BTBD9: variants seen among roughly 807,000 people sequenced by gnomAD.
BTBD9 encodes the protein BTB/POZ domain-containing protein 9.
BTBD9 carries 49 observed loss-of-function variants against 64.3 expected under a neutral mutation model. The observed-to-expected ratio is 0.76, with a 90% CI of 0.61 to 0.97. The LOEUF is 0.97. BTBD9 is among the 50% of genes least tolerant of loss of function. The pLI is 0.00. For synonymous variants in BTBD9, 260 were observed against 274.7 expected (o/e 0.95, Z 0.53); for missense variants, 598 against 762.1 (o/e 0.78, Z 2.53).
chr6:38,271,081 A>G (rs1765182389), intron 8 of BTBD9, among the ~76,000 whole-genome samples: 1 of 152,244 alleles, frequency 6.6e-6, no homozygotes, highest in Admixed American at 6.5e-5. Context: ...CATTATAAAG[A>G]GGCATTATAC....
At chr6:38,531,660 A>T (rs1240312391) in intron 6 of BTBD9, among the ~76,000 whole-genome samples, 2 of 152,254 alleles carry the variant, frequency 1.3e-5, no homozygotes, top group Admixed American at 6.5e-5. Flanking sequence ...GTATAAGAAG[A>T]TATAAACAGA....
intron 6 of BTBD9, among the ~76,000 whole-genome samples, chr6:38,544,684 T>C (rs2127441170): frequency 6.6e-6 from 1 of 151,918 alleles, no homozygotes; most frequent in Non-Finnish European, 1.5e-5. Context: ...CCCAGCACTT[T>C]GGGAGGCCAA....
intron 8 of BTBD9, among the ~76,000 whole-genome samples, chr6:38,285,389 T>C (rs1372847606): frequency 6.6e-6 from 1 of 152,014 alleles, no homozygotes; most frequent in Non-Finnish European, 1.5e-5. Context: ...AATGGACAAA[T>C]GGATGGTGCC....
intron 6 of BTBD9, among the ~76,000 whole-genome samples, chr6:38,422,762 G>C (rs1342293452): frequency 6.6e-6 from 1 of 152,084 alleles, no homozygotes; most frequent in African/African-American, 2.4e-5. Context: ...CTAGGCACTG[G>C]TATATTTTGA....
chr6:38,298,016 T>A (rs1762226486), intron 7 of BTBD9, among the ~76,000 whole-genome samples: 1 of 151,748 alleles, frequency 6.6e-6, no homozygotes, highest in Admixed American at 6.6e-5. Flanking sequence ...AATTTTTTTA[T>A]TTTATATATT....
intron 6 of BTBD9, among the ~76,000 whole-genome samples, chr6:38,351,267 C>T (rs1764494841): frequency 1.3e-5 from 2 of 152,204 alleles, no homozygotes; most frequent in South Asian, 4.1e-4. Flanking sequence ...CAGGGCTAAG[C>T]AGAGGCTACT....
chr6:38,627,472 A>T (rs1778210313), intron 1 of BTBD9, among the ~76,000 whole-genome samples: 2 of 152,154 alleles, frequency 1.3e-5, no homozygotes, highest in Non-Finnish European at 2.9e-5. Flanking sequence ...TTCTGAATAG[A>T]TATGCAAGAA....
chr6:38,258,792 A>G (rs1426384144), intron 8 of BTBD9, among the ~76,000 whole-genome samples: 1 of 152,242 alleles, frequency 6.6e-6, no homozygotes, highest in Non-Finnish European at 1.5e-5. Flanking sequence ...CGGGAGGCTG[A>G]GGCAGGAGAA....
intron 6 of BTBD9, among the ~76,000 whole-genome samples, chr6:38,394,666 GAA>G (rs869249005): frequency 2.0e-4 from 25 of 123,990 alleles, no homozygotes; most frequent in Non-Finnish European, 3.6e-4. Context: ...GTCTAGGGGG[GAA>G]AAAAAAAAAC....
At chr6:38,244,407 CCTGCTGGGA>C (rs1764111282) in intron 9 of BTBD9, among the ~76,000 whole-genome samples, 1 of 152,060 alleles carries the variant, frequency 6.6e-6, no homozygotes, top group South Asian at 2.1e-4. Context: ...CAGACTCTTT[CCTGCTGGGA>C]GAGGTACATG....
intron 6 of BTBD9, among the ~76,000 whole-genome samples, chr6:38,406,215 A>T (rs1767153466): frequency 6.6e-6 from 1 of 152,202 alleles, no homozygotes; most frequent in Non-Finnish European, 1.5e-5. Context: ...TCCTACACAA[A>T]TCTAACATTT....
At chr6:38,377,597 C>T (rs569637180) in intron 6 of BTBD9, among the ~76,000 whole-genome samples, 51 of 152,250 alleles carry the variant, frequency 3.3e-4, no homozygotes, top group Non-Finnish European at 6.3e-4. Flanking sequence ...CACACACACA[C>T]GGACACCCAC....
At chr6:38,315,763 G>C (rs949006526) in intron 7 of BTBD9, among the ~76,000 whole-genome samples, 2 of 152,162 alleles carry the variant, frequency 1.3e-5, no homozygotes, top group African/African-American at 2.4e-5. Context: ...ACCATGTGTT[G>C]AGCAGAAGAA....
At chr6:38,316,191 G>C (rs778207050) in intron 7 of BTBD9, among the ~76,000 whole-genome samples, 12 of 152,208 alleles carry the variant, frequency 7.9e-5, no homozygotes, top group Middle Eastern at 3.4e-3. Flanking sequence ...TTCAGTCTAT[G>C]TGTTTCTTTA....
intron 6 of BTBD9, among the ~76,000 whole-genome samples, chr6:38,354,223 A>C (rs1764631832): frequency 6.6e-6 from 1 of 152,178 alleles, no homozygotes. Context: ...ACAGGGAGTG[A>C]GGAAATCACA....
At chr6:38,472,008 C>T (rs1388313151) in intron 6 of BTBD9, among the ~76,000 whole-genome samples, 4 of 152,170 alleles carry the variant, frequency 2.6e-5, no homozygotes, top group Admixed American at 2.6e-4. Flanking sequence ...CTTCTCTGAA[C>T]ATTCTGCAAG....
chr6:38,267,856 T>A (rs1582139427), intron 8 of BTBD9, among the ~76,000 whole-genome samples: 1 of 152,118 alleles, frequency 6.6e-6, no homozygotes, highest in South Asian at 2.1e-4. Flanking sequence ...AGGAGAATGG[T>A]GTGAACCCAG....
intron 4 of BTBD9, chr6:38,587,293 T>G: frequency 2.6e-6 from 1 of 382,944 alleles, no homozygotes; most frequent in Admixed American, 3.2e-5. Flanking sequence ...TTTTCTAGGG[T>G]TGTATAGATA....
chr6:38,501,103 C>T (rs1446250414), intron 6 of BTBD9, among the ~76,000 whole-genome samples: 2 of 152,114 alleles, frequency 1.3e-5, no homozygotes, highest in African/African-American at 4.8e-5. Context: ...TCAATGGATG[C>T]TGTAAGTTAA....
Sources: gnomAD v4.1 joint callset for allele counts (sites outside exome capture counted in the v4.1 genomes callset) on GRCh38, gnomAD v4.1.1 for gene constraint, MANE v1.5 for transcripts, NCBI Gene and HGNC (gene_info 2026-07-23, HGNC 2026-07-21) for gene names.